Variants in TAB2 observed in about 807,000 individuals in gnomAD.
TAB2 encodes the protein TGF-beta activated kinase 1 (MAP3K7) binding protein 2, also known as TGF-beta-activated kinase 1 and MAP3K7-binding protein 2.
TAB2 carries 3 observed loss-of-function variants against 65.0 expected under a neutral mutation model. The observed-to-expected ratio is 0.05, with a 90% CI of 0.02 to 0.12. TAB2 has a LOEUF of 0.12. Ranked by LOEUF, TAB2 falls within the 10% of genes least tolerant of loss-of-function variation. The probability of loss-of-function intolerance (pLI) is 1.00; values close to 1 mark genes in which losing one functional copy is unlikely to be tolerated. For missense variants in TAB2, 623 were observed against 840.3 expected (o/e 0.74, Z 3.20); for synonymous variants, 298 against 285.1 (o/e 1.05, Z -0.46).
At chr6:149,252,220 A>G (rs1000098265) in intron 1 of TAB2, among the ~76,000 whole-genome samples, 1 of 152,076 alleles carries the variant, frequency 6.6e-6, no homozygotes, top group Non-Finnish European at 1.5e-5. Context: ...CAGCCTGACC[A>G]ACATGGAGAA....
At position 149,317,788 on chromosome 6, in the gene TAB2, TGGC is replaced by T. The variant is rs976134020; in HGVS notation, c.-304_-302del. The T allele has an allele frequency of 1.3e-4, 21 of 158,886 alleles. No individual in the cohort carries two copies. The highest frequency in any genetic ancestry group is 2.4e-4 in the Non-Finnish European group (18 of 75,450). The allele number at this position is 158,886 out of a possible 1,614,324, so 9.8% of individuals were successfully genotyped here. On this transcript the variant is annotated 5_prime_UTR_variant, in exon 1 of 7. Coordinates refer to ENST00000637181, the MANE Select transcript of TAB2 (RefSeq NM_001292034.3). The surrounding 1 kb of genome is among the most constrained non-coding windows in gnomAD (Gnocchi z 4.7). Reference sequence around the variant, plus strand: ...TCCCCTCCCCCTCAGCCAGGAGCGGTGGCGGCGGCGGCGGCCGGAGGGAGTTGG... The same window carrying T: ...TCCCCTCCCCCTCAGCCAGGAGCGGTGGCGGCGGCGGCCGGAGGGAGTTGG...
At chr6:149,375,061 A>T (rs1781356869) in intron 2 of TAB2, among the ~76,000 whole-genome samples, 5 of 152,210 alleles carry the variant, frequency 3.3e-5, no homozygotes, top group Admixed American at 3.3e-4. Context: ...AGAATTGATT[A>T]TTTTAAGGTA....
At chr6:149,240,256 C>T (rs1777573742) in intron 1 of TAB2, among the ~76,000 whole-genome samples, 1 of 152,300 alleles carries the variant, frequency 6.6e-6, no homozygotes, top group South Asian at 2.1e-4. Flanking sequence ...CATCTTCCTG[C>T]TTGGCTCAAG....
At chr6:149,332,141 T>G (rs1420481646) in intron 1 of TAB2, among the ~76,000 whole-genome samples, 1 of 152,154 alleles carries the variant, frequency 6.6e-6, no homozygotes, top group Non-Finnish European at 1.5e-5. Context: ...AAGTAGCAAG[T>G]TTAGACTGAG....
chr6:149,366,220 A>G (rs1295065963), intron 1 of TAB2, among the ~76,000 whole-genome samples: 1 of 152,098 alleles, frequency 6.6e-6, no homozygotes, highest in Non-Finnish European at 1.5e-5. Context: ...TCCAGTGAGT[A>G]TTGATGTTTG....
chr6:149,404,727 A>G (rs368687173), intron 6 of TAB2, among the ~76,000 whole-genome samples: 5 of 152,324 alleles, frequency 3.3e-5, no homozygotes, highest in Admixed American at 2.0e-4. Flanking sequence ...GATGAATGAA[A>G]TTGAACCATT....
intron 1 of TAB2, among the ~76,000 whole-genome samples, chr6:149,274,255 G>C (rs1778414606): frequency 1.3e-5 from 2 of 152,234 alleles, no homozygotes; most frequent in South Asian, 4.1e-4. Flanking sequence ...AACTGACCCG[G>C]TTAAGGGATC....
intron 1 of TAB2, among the ~76,000 whole-genome samples, chr6:149,340,520 A>G (rs959839978): frequency 2.0e-5 from 3 of 152,176 alleles, no homozygotes; most frequent in African/African-American, 7.2e-5. Context: ...TAATTTGTAA[A>G]TAACGTTGTA....
chr6:149,279,983 G>T (rs372654926), intron 1 of TAB2, among the ~76,000 whole-genome samples: 7 of 152,292 alleles, frequency 4.6e-5, no homozygotes, highest in Admixed American at 1.3e-4. Flanking sequence ...CATCCAGTCA[G>T]CAGTTCTTTC....
upstream of TAB2, chr6:149,217,997 A>G (rs1451778887): frequency 6.6e-6 from 1 of 152,218 alleles, no homozygotes; most frequent in East Asian, 1.9e-4. Context: ...GAATATGACA[A>G]CAACCATGAG....
intron 6 of TAB2, among the ~76,000 whole-genome samples, chr6:149,403,327 TATACATATATATACACACAC>T: frequency 1.7e-5 from 1 of 57,956 alleles, no homozygotes; most frequent in East Asian, 4.4e-4. Context: ...CACACATATA[TATACATATATATACACACAC>T]ACACACACAC....
At chr6:149,375,380 A>AT (rs1323032015) in intron 2 of TAB2, among the ~76,000 whole-genome samples, 2 of 152,194 alleles carry the variant, frequency 1.3e-5, no homozygotes, top group African/African-American at 2.4e-5. Context: ...TAAGAAAGTA[A>AT]TGTCTGTAGA....
At chr6:149,381,131 AG>A (rs1315290508) in intron 3 of TAB2, among the ~76,000 whole-genome samples, 7 of 152,242 alleles carry the variant, frequency 4.6e-5, no homozygotes. Context: ...CCCAAACTTA[AG>A]TAAAGTGAAT....
intron 1 of TAB2, among the ~76,000 whole-genome samples, chr6:149,309,881 TGG>T (rs879697300): frequency 0.012 from 1,261 of 106,296 alleles, 18 homozygotes; most frequent in African/African-American, 0.053. Context: ...TGTGTGGGTG[TGG>T]GTGTGTGTGT....
intron 1 of TAB2, among the ~76,000 whole-genome samples, chr6:149,330,071 T>A (rs569244519): frequency 4.9e-4 from 74 of 150,166 alleles, no homozygotes; most frequent in Admixed American, 1.1e-3. Flanking sequence ...AAATCGTACG[T>A]GATGTTACCT....
intron 1 of TAB2, among the ~76,000 whole-genome samples, chr6:149,274,930 C>T (rs1416673740): frequency 6.6e-6 from 1 of 152,118 alleles, no homozygotes; most frequent in Non-Finnish European, 1.5e-5. Context: ...CTTGGGGCTC[C>T]ACAAGACCCC....
chr6:149,379,483 T>A lies in TAB2; in HGVS notation c.1568T>A (p.Leu523Gln). 1 of 1,614,122 alleles carries A rather than the reference T, an allele frequency of 6.2e-7. No individual in the cohort carries two copies. The highest frequency in any genetic ancestry group is 8.5e-7 in the Non-Finnish European group (1 of 1,180,020). Reference sequence around the variant, plus strand: ...GATAGAATAAGTGAAACACGGAAACTGAGTATGGGATCTGATGATGCTGCC... The same window carrying A: ...GATAGAATAAGTGAAACACGGAAACAGAGTATGGGATCTGATGATGCTGCC... The part of the protein sequence containing the change: ...HVDRISETRK[L>Q]SMGSDDAAYT... The change falls in exon 3 of 7, where the codon CTG becomes CAG. Residue 523 changes from leucine to glutamine, a missense_variant. By Grantham distance (113) the Leu-to-Gln change is moderately radical. This residue lies in a region of TAB2 where 550 missense variants were observed against 665.7 expected (regional missense o/e 0.83). Coordinates refer to ENST00000637181, the MANE Select transcript of TAB2 (RefSeq NM_001292034.3).
intron 1 of TAB2, among the ~76,000 whole-genome samples, chr6:149,264,099 G>A (rs1778211174): frequency 1.3e-5 from 2 of 152,232 alleles, no homozygotes. Flanking sequence ...TTGGCCCGAG[G>A]ACCCAGCAGA....
At chr6:149,272,059 A>G (rs1340422734) in intron 1 of TAB2, among the ~76,000 whole-genome samples, 5 of 152,006 alleles carry the variant, frequency 3.3e-5, no homozygotes, top group Non-Finnish European at 7.4e-5. Context: ...TGCCCTTCTG[A>G]GGAATGTAAT....
Sources: gnomAD v4.1 joint callset for allele counts (sites outside exome capture counted in the v4.1 genomes callset) on GRCh38, gnomAD v4.1.1 for gene constraint, gnomAD v4.1.1 regional missense constraint, Gnocchi (gnomAD v3.1) non-coding constraint, MANE v1.5 for transcripts, NCBI Gene and HGNC (gene_info 2026-07-23, HGNC 2026-07-21) for gene names.